The following SYCP1 variants were observed in gnomAD, a reference collection of about 807,000 sequenced individuals.
The protein encoded by SYCP1 is cancer/testis antigen 8.
A neutral mutation model predicts 153.1 loss-of-function variants in SYCP1; 64 were observed. The ratio of observed to expected loss-of-function variants is 0.42; its 90% CI spans 0.34 to 0.51. SYCP1 has a LOEUF of 0.51. Ranked by LOEUF, SYCP1 falls within the 20% of genes least tolerant of loss-of-function variation. The pLI, the probability that SYCP1 is intolerant of heterozygous loss-of-function variation, is 0.06. For synonymous variants in SYCP1, 384 were observed against 341.8 expected (o/e 1.12, Z -1.36); for missense variants, 997 against 1,049.0 (o/e 0.95, Z 0.68).
intron 15 of SYCP1, among the ~76,000 whole-genome samples, chr1:114,890,126 A>G (rs571395595): frequency 5.1e-4 from 77 of 152,170 alleles, no homozygotes; most frequent in African/African-American, 1.6e-3. Context: ...TGTGTTTTTT[A>G]GCATTGCCTT....
chr1:114,915,912 C>G lies in SYCP1; in HGVS notation c.1718+1867C>G, dbSNP rs747524295. 1.1e-3 allele frequency among the ~76,000 whole-genome samples: 174 copies of G among 152,186 alleles called. 1 individual carries two copies. The highest frequency in any genetic ancestry group is 6.7e-3 in the Admixed American group (103 of 15,270). On this transcript the variant is annotated intron_variant, in intron 20 of 31. Transcript: ENST00000369522. ...ACAGGAAAATGAAGCTACTGAAGCCCCTGTTGTCCCGCCTGCCTGCAGGAT... is the reference window on the plus strand; with the variant it reads ...ACAGGAAAATGAAGCTACTGAAGCCGCTGTTGTCCCGCCTGCCTGCAGGAT...
chr1:114,858,524 T>A lies in SYCP1; in HGVS notation c.292-23T>A. The A allele has an allele frequency of 3.9e-6, 6 of 1,541,866 alleles. No individual in the cohort carries two copies. The South Asian group carries it at 6.3e-5, about 16-fold the overall frequency. On this transcript the variant is annotated intron_variant, in intron 5 of 31. Transcript: ENST00000369522. ...TTATATTAGAATTTTGGACAATTAA[T>A]TTTTGAAAACATATTTTAATAGAAT...
intron 12 of SYCP1, among the ~76,000 whole-genome samples, chr1:114,880,086 T>C (rs562293589): frequency 2.0e-5 from 3 of 152,188 alleles, no homozygotes; most frequent in Non-Finnish European, 4.4e-5. Flanking sequence ...TTTATTTCTA[T>C]CGTTTCTTTT....
At position 114,926,271 on chromosome 1, in the gene SYCP1, T is replaced by G; in HGVS notation, c.1801-7T>G. On this transcript the variant is annotated splice_polypyrimidine_tract_variant and splice_region_variant and intron_variant, in intron 21 of 31. Transcript: ENST00000369522. ...TAAAATAGCTATAATTTCTCACAAT[T>G]TTTTAGTGTAACAATTTAAGGAAAC... The G allele has an allele frequency of 2.7e-6, 4 of 1,505,312 alleles. No individual in the cohort carries two copies. The highest frequency in any genetic ancestry group is 3.6e-6 in the Non-Finnish European group (4 of 1,120,812). 93.2% of individuals were successfully genotyped at this position (1,505,312 alleles called of 1,614,324 possible). A position where few individuals can be genotyped will look rare whatever the true frequency, so the allele number is the denominator to read the frequency against.
intron 15 of SYCP1, among the ~76,000 whole-genome samples, chr1:114,891,248 A>C (rs571133613): frequency 1.7e-4 from 26 of 152,284 alleles, no homozygotes; most frequent in Non-Finnish European, 3.7e-4. Flanking sequence ...TACTGCTCAG[A>C]TATAGCCTGC....
intron 11 of SYCP1, among the ~76,000 whole-genome samples, chr1:114,877,151 C>T (rs1205870050): frequency 6.6e-6 from 1 of 152,108 alleles, no homozygotes; most frequent in Non-Finnish European, 1.5e-5. Context: ...ACTCAACTTA[C>T]ATTTTGCAGT....
At chr1:114,874,777 T>C (rs1665397593) in intron 9 of SYCP1, among the ~76,000 whole-genome samples, 1 of 152,244 alleles carries the variant, frequency 6.6e-6, no homozygotes, top group African/African-American at 2.4e-5. Flanking sequence ...GTGACATCAC[T>C]TAATTTATCA....
intron 27 of SYCP1, among the ~76,000 whole-genome samples, chr1:114,956,506 C>T (rs1570857376): frequency 6.6e-6 from 1 of 152,184 alleles, no homozygotes; most frequent in Non-Finnish European, 1.5e-5. Context: ...CTTCAGCCTC[C>T]AACCCACAGC....
intron 16 of SYCP1, among the ~76,000 whole-genome samples, chr1:114,906,133 T>C (rs1667792935): frequency 6.6e-6 from 1 of 151,902 alleles, no homozygotes; most frequent in South Asian, 2.1e-4. Context: ...ACCCTACTAA[T>C]TTTTTGTATT....
chr1:114,923,238 T>G (rs1264744309), intron 20 of SYCP1, among the ~76,000 whole-genome samples: 1 of 151,438 alleles, frequency 6.6e-6, no homozygotes, highest in African/African-American at 2.4e-5. Flanking sequence ...TGTTTTTATA[T>G]TTTAAGTTTC....
intron 23 of SYCP1, among the ~76,000 whole-genome samples, chr1:114,936,790 T>A (rs1201984724): frequency 6.6e-6 from 1 of 152,128 alleles, no homozygotes; most frequent in Non-Finnish European, 1.5e-5. Flanking sequence ...GAACTCCCAT[T>A]CACAATTGCT....
At chr1:114,939,729 G>A (rs886157919) in intron 23 of SYCP1, among the ~76,000 whole-genome samples, 1 of 152,098 alleles carries the variant, frequency 6.6e-6, no homozygotes, top group African/African-American at 2.4e-5. Flanking sequence ...AAAACAATTT[G>A]TCAAAGCTTA....
intron 20 of SYCP1, among the ~76,000 whole-genome samples, chr1:114,917,102 A>T (rs746211657): frequency 2.0e-5 from 3 of 151,988 alleles, no homozygotes; most frequent in Middle Eastern, 3.2e-3. Context: ...TTCACTTTCT[A>T]TTTTTTGTAC....
chr1:114,855,114 T>C (rs1663843334), intron 1 of SYCP1, 96 bp downstream of exon 1: 1 of 155,712 alleles, frequency 6.4e-6, no homozygotes, highest in African/African-American at 2.4e-5. Context: ...CCTCCGCTGT[T>C]TTCTTTTGGG....
At chr1:114,902,377 C>T (rs1667523268) in intron 16 of SYCP1, among the ~76,000 whole-genome samples, 1 of 151,988 alleles carries the variant, frequency 6.6e-6, no homozygotes, top group African/African-American at 2.4e-5. Context: ...GGGTTCTTGT[C>T]GCAGGATCAG....
chr1:114,882,038 G>C (rs1210010957), intron 12 of SYCP1, among the ~76,000 whole-genome samples: 1 of 151,902 alleles, frequency 6.6e-6, no homozygotes, highest in East Asian at 1.9e-4. Context: ...CTCATTTTCT[G>C]AGTAAGAAAA....
At chr1:114,915,596 G>T (rs372092885) in intron 20 of SYCP1, among the ~76,000 whole-genome samples, 1 of 152,160 alleles carries the variant, frequency 6.6e-6, no homozygotes, top group Non-Finnish European at 1.5e-5. Flanking sequence ...GCCACTTTCT[G>T]GTCACACATT....
intron 12 of SYCP1, among the ~76,000 whole-genome samples, chr1:114,878,871 A>G (rs1049399849): frequency 1.3e-5 from 2 of 152,180 alleles, no homozygotes; most frequent in Non-Finnish European, 1.5e-5. Flanking sequence ...AACAAATCAT[A>G]TGGGAGCATG....
chr1:114,945,012 T>G (rs1189600594), intron 25 of SYCP1, 30 bp downstream of exon 25: 1 of 1,415,664 alleles, frequency 7.1e-7, no homozygotes, highest in Non-Finnish European at 9.6e-7. Context: ...ATAATGAAAA[T>G]TATTAATTGG....
Sources: gnomAD v4.1 joint callset for allele counts (sites outside exome capture counted in the v4.1 genomes callset) on GRCh38, gnomAD v4.1.1 for gene constraint, MANE v1.5 for transcripts, NCBI Gene and HGNC (gene_info 2026-07-23, HGNC 2026-07-21) for gene names.